Variants in UBASH3B observed in about 807,000 individuals in gnomAD.
The protein encoded by UBASH3B is ubiquitin associated and SH3 domain containing B, also known as ubiquitin-associated and SH3 domain-containing protein B.
UBASH3B carries 37 observed loss-of-function variants against 83.4 expected under a neutral mutation model. The ratio of observed to expected loss-of-function variants is 0.44; its 90% CI spans 0.34 to 0.58. The LOEUF is 0.58. Ranked by LOEUF, UBASH3B falls within the 20% of genes least tolerant of loss-of-function variation. UBASH3B has a pLI of 0.01. For synonymous variants in UBASH3B, 304 were observed against 318.3 expected, an observed-to-expected ratio of 0.96 and a Z score of 0.48; for missense variants, 657 against 827.2, an observed-to-expected ratio of 0.79 and a Z score of 2.52.
At chr11:122,665,188 C>T (rs763513255) in intron 1 of UBASH3B, among the ~76,000 whole-genome samples, 2 of 152,094 alleles carry the variant, frequency 1.3e-5, no homozygotes, top group African/African-American at 2.4e-5. Context: ...TGAGCCACTG[C>T]GCCCGGCTCG....
At chr11:122,666,947 G>T (rs1863527592) in intron 1 of UBASH3B, among the ~76,000 whole-genome samples, 1 of 151,482 alleles carries the variant, frequency 6.6e-6, no homozygotes, top group South Asian at 2.1e-4. Context: ...AGACTAAGGG[G>T]ATTACCCCAA....
At chr11:122,678,654 C>T (rs758820705) in intron 1 of UBASH3B, among the ~76,000 whole-genome samples, 7 of 151,896 alleles carry the variant, frequency 4.6e-5, no homozygotes, top group Middle Eastern at 3.4e-3. Context: ...GCTGATTGAC[C>T]CTTGTGCTCC....
Position 122,812,686 on chromosome 11 carries a change from C to G in UBASH3B, c.*2800C>G, listed in dbSNP as rs1173901340. 6.6e-6 allele frequency: 1 copy of G among 152,200 alleles called. No homozygotes were observed. Among genetic ancestry groups the G allele is most frequent in the Admixed American group, 6.5e-5 (1 of 15,286 alleles). The allele number at this position is 152,200 out of a possible 1,614,324, so 9.4% of individuals were successfully genotyped here. Reference sequence around the variant, plus strand: ...ATTGAAAGCCTGAAAGCATTTCCTGCTTCTACAAGTGTGCCACATCAATCC... The same window carrying G: ...ATTGAAAGCCTGAAAGCATTTCCTGGTTCTACAAGTGTGCCACATCAATCC... On this transcript the variant is annotated 3_prime_UTR_variant, in exon 14 of 14. Transcript: ENST00000284273.
chr11:122,660,340 C>T (rs545374664), intron 1 of UBASH3B, among the ~76,000 whole-genome samples: 1 of 152,266 alleles, frequency 6.6e-6, no homozygotes, highest in South Asian at 2.1e-4. Flanking sequence ...GGAAGGAAAC[C>T]TTTCAAAGGT....
At chr11:122,692,324 T>G (rs1863906668) in intron 1 of UBASH3B, among the ~76,000 whole-genome samples, 1 of 152,204 alleles carries the variant, frequency 6.6e-6, no homozygotes, top group Admixed American at 6.5e-5. Flanking sequence ...ATTAGTAAAA[T>G]ATTTTCTTGC....
At chr11:122,763,795 A>G (rs1230873113) in intron 1 of UBASH3B, among the ~76,000 whole-genome samples, 3 of 152,178 alleles carry the variant, frequency 2.0e-5, no homozygotes, top group Non-Finnish European at 2.9e-5. Flanking sequence ...CATTTCCTCT[A>G]AAGGAAATGT....
At chr11:122,721,553 C>T (rs1860638968) in intron 1 of UBASH3B, among the ~76,000 whole-genome samples, 1 of 152,256 alleles carries the variant, frequency 6.6e-6, no homozygotes, top group Admixed American at 6.5e-5. Context: ...AGATGGTTTC[C>T]CTGAAAGAAT....
intron 1 of UBASH3B, among the ~76,000 whole-genome samples, chr11:122,674,965 G>A (rs1474585785): frequency 6.6e-6 from 1 of 152,014 alleles, no homozygotes; most frequent in African/African-American, 2.4e-5. Flanking sequence ...CTCACCTCTG[G>A]TGATCCACCC....
intron 1 of UBASH3B, among the ~76,000 whole-genome samples, chr11:122,693,038 G>A (rs1211880781): frequency 1.3e-5 from 2 of 152,168 alleles, no homozygotes; most frequent in African/African-American, 2.4e-5. Context: ...AATGTTTTGT[G>A]GGCAGGGGGT....
At chr11:122,675,711 T>C (rs901351655) in intron 1 of UBASH3B, among the ~76,000 whole-genome samples, 2 of 152,218 alleles carry the variant, frequency 1.3e-5, no homozygotes, top group Non-Finnish European at 2.9e-5. Flanking sequence ...GATGTAATCC[T>C]GGCCCCAGTG....
At chr11:122,772,214 G>A (rs1394159415) in intron 1 of UBASH3B, among the ~76,000 whole-genome samples, 3 of 152,164 alleles carry the variant, frequency 2.0e-5, no homozygotes, top group African/African-American at 7.2e-5. Flanking sequence ...ACGGAGGTGG[G>A]CCCACCGTGA....
Position 122,814,209 on chromosome 11 carries a change from C to A in UBASH3B, c.*4323C>A, listed in dbSNP as rs1861501558. Reference sequence around the variant, plus strand: ...TTATTTTGGAGAGGTGTATTGGTTTCTTTCTCATTTATAAGGCTATTGTAT... The same window carrying A: ...TTATTTTGGAGAGGTGTATTGGTTTATTTCTCATTTATAAGGCTATTGTAT... On this transcript the variant is annotated 3_prime_UTR_variant, in exon 14 of 14. Transcript: ENST00000284273. The A allele has an allele frequency of 6.6e-6, 1 of 152,136 alleles. No homozygotes were observed. The highest frequency in any genetic ancestry group is 2.4e-5 in the African/African-American group (1 of 41,348). 9.4% of individuals were successfully genotyped at this position (152,136 alleles called of 1,614,324 possible).
intron 1 of UBASH3B, among the ~76,000 whole-genome samples, chr11:122,686,401 T>C (rs183314727): frequency 6.6e-6 from 1 of 152,344 alleles, no homozygotes; most frequent in Admixed American, 6.5e-5. Context: ...GCACAAGGCT[T>C]GACTCCAGGG....
intron 1 of UBASH3B, among the ~76,000 whole-genome samples, chr11:122,681,552 A>G (rs897297148): frequency 2.6e-5 from 4 of 152,196 alleles, no homozygotes; most frequent in African/African-American, 7.2e-5. Context: ...CCCTCCAAAG[A>G]AAGCCGAGTC....
At chr11:122,660,616 C>T (rs1277572608) in intron 1 of UBASH3B, among the ~76,000 whole-genome samples, 2 of 152,192 alleles carry the variant, frequency 1.3e-5, no homozygotes, top group Non-Finnish European at 2.9e-5. Context: ...CTGTCATCCC[C>T]CTGCTGACCT....
In UBASH3B at chr11:122,656,336, T is replaced by C. The variant is rs529174729; in HGVS notation, c.161+126T>C. 9.0e-4 allele frequency: 932 copies of C among 1,032,246 alleles called. 1 individual carries two copies. Among genetic ancestry groups the C allele is most frequent in the Non-Finnish European group, 1.1e-3 (851 of 801,726 alleles). 63.9% of individuals were successfully genotyped at this position (1,032,246 alleles called of 1,614,324 possible). On this transcript the variant is annotated intron_variant, in intron 1 of 13. Coordinates refer to ENST00000284273, the MANE Select transcript of UBASH3B (RefSeq NM_032873.5). ...CGCGCTCCCCGCTGCCCGAGACCTGTTGGGGGCGGGATGGGCGCGCTGGCA... is the reference window on the plus strand; with the variant it reads ...CGCGCTCCCCGCTGCCCGAGACCTGCTGGGGGCGGGATGGGCGCGCTGGCA...
chr11:122,812,579 T>G lies in UBASH3B; in HGVS notation c.*2693T>G, dbSNP rs1861469011. The G allele has an allele frequency of 6.6e-6, 1 of 152,216 alleles. No homozygotes were observed. Among genetic ancestry groups the G allele is most frequent in the Admixed American group, 6.5e-5 (1 of 15,274 alleles). 9.4% of individuals were successfully genotyped at this position (152,216 alleles called of 1,614,324 possible). A position where few individuals can be genotyped will look rare whatever the true frequency, so the allele number is the denominator to read the frequency against. On this transcript the variant is annotated 3_prime_UTR_variant, in exon 14 of 14. Transcript: ENST00000284273. ...CAGATAAGAAGCAAATGGTTTCTTG[T>G]ACAGAGGAATTTTGTTTTAATGTAG...
At chr11:122,708,254 C>T (rs1366308292) in intron 1 of UBASH3B, among the ~76,000 whole-genome samples, 1 of 150,182 alleles carries the variant, frequency 6.7e-6, no homozygotes, top group Non-Finnish European at 1.5e-5. Flanking sequence ...GACTATTCTC[C>T]AAGGAGTTTT....
At chr11:122,745,325 C>CCCAGTA (rs1565549763) in intron 1 of UBASH3B, among the ~76,000 whole-genome samples, 17 of 152,224 alleles carry the variant, frequency 1.1e-4, no homozygotes, top group African/African-American at 4.1e-4. Flanking sequence ...TAGCACAGTT[C>CCCAGTA]CTGGTAGCTG....
Sources: gnomAD v4.1 joint callset for allele counts (sites outside exome capture counted in the v4.1 genomes callset) on GRCh38, gnomAD v4.1.1 for gene constraint, MANE v1.5 for transcripts, NCBI Gene and HGNC (gene_info 2026-07-23, HGNC 2026-07-21) for gene names.